ST3GAL1: variants seen among roughly 807,000 people sequenced by gnomAD.
ST3GAL1 encodes CMP-N-acetylneuraminate-beta-galactosamide-alpha-2,3-sialyltransferase 1.
Under a neutral mutation model 34.1 loss-of-function variants are expected in ST3GAL1, and 16 were observed. The observed-to-expected ratio is 0.47, with a 90% CI of 0.32 to 0.71. The LOEUF is 0.71. Ranked by LOEUF, ST3GAL1 falls within the 30% of genes least tolerant of loss-of-function variation. The probability of loss-of-function intolerance (pLI) is 0.04; values close to 1 mark genes in which losing one functional copy is unlikely to be tolerated. For missense variants in ST3GAL1, 353 were observed against 447.4 expected (o/e 0.79, Z 1.90); for synonymous variants, 191 against 184.7 (o/e 1.03, Z -0.28).
intron 1 of ST3GAL1, among the ~76,000 whole-genome samples, chr8:133,559,455 G>A (rs1227428277): frequency 6.6e-6 from 1 of 152,146 alleles, no homozygotes; most frequent in Admixed American, 6.5e-5. Context: ...GGTACTGTCT[G>A]CCTAATCTCT....
At chr8:133,527,162 C>T (rs1192985099) in intron 2 of ST3GAL1, among the ~76,000 whole-genome samples, 1 of 152,120 alleles carries the variant, frequency 6.6e-6, no homozygotes. Flanking sequence ...TTGTTCTACT[C>T]TGAGGGGAGG....
Position 133,454,873 on chromosome 8 carries a change from TC to T in ST3GAL1, c.*4890del, listed in dbSNP as rs1269403859. 1 of 152,226 alleles carries T rather than the reference TC, an allele frequency of 6.6e-6. No homozygotes were observed. The highest frequency in any genetic ancestry group is 1.5e-5 in the Non-Finnish European group (1 of 68,046). The allele number at this position is 152,226 out of a possible 1,614,324, so 9.4% of individuals were successfully genotyped here. On this transcript the variant is annotated 3_prime_UTR_variant, in exon 10 of 10. Transcript: ENST00000522652. ...AACAATAAAATAGCTCTTTGTTTAT[TC>T]ACTTTGATTTGGATCATTGGAAATA...
chr8:133,557,904 C>CAAA (rs543479046), intron 1 of ST3GAL1, among the ~76,000 whole-genome samples: 23 of 65,350 alleles, frequency 3.5e-4, no homozygotes, highest in African/African-American at 7.4e-4. Context: ...GACTCCGTCT[C>CAAA]AAAAAAAAAA....
intron 2 of ST3GAL1, among the ~76,000 whole-genome samples, chr8:133,539,017 T>A (rs942790559): frequency 1.3e-5 from 2 of 152,224 alleles, no homozygotes; most frequent in South Asian, 4.2e-4. Flanking sequence ...GTGAAATCTA[T>A]GTGTGTGGGG....
intron 1 of ST3GAL1, among the ~76,000 whole-genome samples, chr8:133,554,022 C>G (rs573825542): frequency 1.4e-4 from 21 of 152,260 alleles, no homozygotes; most frequent in African/African-American, 5.1e-4. Flanking sequence ...CACTGAGCCC[C>G]TGGAACTGGG....
In ST3GAL1 at chr8:133,454,910, A is replaced by T. The variant is rs892955054; in HGVS notation, c.*4854T>A. 2 of 152,256 alleles carry T rather than the reference A, an allele frequency of 1.3e-5. No homozygotes were observed. Among genetic ancestry groups the T allele is most frequent in the African/African-American group, 4.8e-5 (2 of 41,462 alleles). 9.4% of individuals were successfully genotyped at this position (152,256 alleles called of 1,614,324 possible). A position where few individuals can be genotyped will look rare whatever the true frequency, so the allele number is the denominator to read the frequency against. On this transcript the variant is annotated 3_prime_UTR_variant, in exon 10 of 10. Transcript: ENST00000522652. ...GGATCATTGGAAATATTAAACAATA[A>T]ATAAAACAGAGCGGGGGCTGAGGAA...
At position 133,493,213 on chromosome 8, in the gene ST3GAL1, T is replaced by A. The variant is rs1176912717; in HGVS notation, c.-374+5922A>T. Among the ~76,000 whole-genome samples the A allele has an allele frequency of 2.6e-5, 4 of 152,216 alleles. No homozygotes were observed. The South Asian group carries it at 6.2e-4, about 24-fold the overall frequency. ...TAGGGAACACAGCATTTTAAAAACA[T>A]CTTGTTCTGCTCAACTTTAAAACAC... On this transcript the variant is annotated intron_variant, in intron 3 of 9. Coordinates refer to ENST00000522652, the MANE Select transcript of ST3GAL1 (RefSeq NM_173344.3).
At chr8:133,560,011 T>A (rs1347815975) in intron 1 of ST3GAL1, among the ~76,000 whole-genome samples, 1 of 152,144 alleles carries the variant, frequency 6.6e-6, no homozygotes, top group Non-Finnish European at 1.5e-5. Flanking sequence ...GGAAACAAAA[T>A]TACAGATAGG....
chr8:133,544,206 C>T (rs1818613597), intron 2 of ST3GAL1: 1 of 151,604 alleles, frequency 6.6e-6, no homozygotes, highest in Non-Finnish European at 1.5e-5. Flanking sequence ...TTCTTGGGTC[C>T]CTTCCATACA....
At position 133,465,908 on chromosome 8, in the gene ST3GAL1, G is replaced by A. The variant is rs547295679; in HGVS notation, c.489C>T (p.His163=). Residue 163 remains histidine, a synonymous_variant, in exon 6 of 10, where the codon CAC becomes CAT. Coordinates refer to ENST00000522652, the MANE Select transcript of ST3GAL1 (RefSeq NM_173344.3). The part of the protein sequence containing the change: ...ESSYGPEIDS[H]DFVLRMNKAP... ...CTGGCACTCACCTGAGGACAAAGTC[G>A]TGACTGTCTATCTCAGGCCCATAAG... 5.6e-5 allele frequency: 91 copies of A among 1,613,952 alleles called. 1 individual carries two copies. The highest frequency in any genetic ancestry group is 2.4e-4 in the African/African-American group (18 of 75,034).
At chr8:133,510,619 A>C (rs969641728) in intron 2 of ST3GAL1, among the ~76,000 whole-genome samples, 23 of 152,242 alleles carry the variant, frequency 1.5e-4, no homozygotes, top group Non-Finnish European at 3.2e-4. Context: ...TAATTAACTA[A>C]TTAGTGCCAC....
intron 2 of ST3GAL1, among the ~76,000 whole-genome samples, chr8:133,531,000 G>A (rs373369182): frequency 1.3e-5 from 2 of 152,222 alleles, no homozygotes; most frequent in South Asian, 2.1e-4. Flanking sequence ...CAGACTCCTG[G>A]AGCCCTAACA....
At chr8:133,540,744 GACATATATATATATAT>G (rs879347683) in intron 2 of ST3GAL1, among the ~76,000 whole-genome samples, 17,759 of 105,466 alleles carry the variant, frequency 0.17, 2,110 homozygotes, top group East Asian at 0.29. Flanking sequence ...TATATATATA[GACATATATATATATAT>G]AGACATATAT....
intron 9 of ST3GAL1, 140 bp from the exon 10 acceptor site, chr8:133,460,077 A>G: frequency 1.2e-6 from 1 of 869,256 alleles, no homozygotes; most frequent in South Asian, 2.3e-5. Context: ...CCTTCATTAA[A>G]AACCCTTCTC....
rs1467034805 is a variant in ST3GAL1 at position 133,556,614 on chromosome 8, G to A, written c.-581-10688C>T. On this transcript the variant is annotated intron_variant, in intron 1 of 9. Coordinates refer to ENST00000522652, the MANE Select transcript of ST3GAL1 (RefSeq NM_173344.3). The surrounding 1 kb of genome is among the most constrained non-coding windows in gnomAD (Gnocchi z 8.9). ...TACTTTCGAACAAGATTTTTAGGATGAAGAAACGAAAGAAGAAAGGGAGGG... is the reference window on the plus strand; with the variant it reads ...TACTTTCGAACAAGATTTTTAGGATAAAGAAACGAAAGAAGAAAGGGAGGG... Among the ~76,000 whole-genome samples the A allele has an allele frequency of 6.6e-6, 1 of 152,148 alleles. No homozygotes were observed. Among genetic ancestry groups the A allele is most frequent in the East Asian group, 1.9e-4 (1 of 5,194 alleles).
At chr8:133,504,751 G>A (rs950612134) in intron 2 of ST3GAL1, among the ~76,000 whole-genome samples, 2 of 152,146 alleles carry the variant, frequency 1.3e-5, no homozygotes, top group Admixed American at 6.5e-5. Flanking sequence ...GGAAGGCTTC[G>A]GAGAGGAGGT....
intron 2 of ST3GAL1, among the ~76,000 whole-genome samples, chr8:133,506,950 A>C (rs1448668690): frequency 9.9e-6 from 1 of 100,532 alleles, no homozygotes; most frequent in African/African-American, 4.4e-5. Context: ...TAAATAAATA[A>C]ATAAATAATA....
At chr8:133,565,599 AATG>A (rs1454048185) in intron 1 of ST3GAL1, among the ~76,000 whole-genome samples, 1 of 152,164 alleles carries the variant, frequency 6.6e-6, no homozygotes, top group African/African-American at 2.4e-5. Flanking sequence ...TGAACCCCAG[AATG>A]ATAAGATGTT....
chr8:133,502,578 G>C (rs1445192269), intron 2 of ST3GAL1, among the ~76,000 whole-genome samples: 1 of 152,212 alleles, frequency 6.6e-6, no homozygotes, highest in Non-Finnish European at 1.5e-5. Context: ...TGGGCTTCCA[G>C]CTTCCAGATC....
Sources: gnomAD v4.1 joint callset for allele counts (sites outside exome capture counted in the v4.1 genomes callset) on GRCh38, gnomAD v4.1.1 for gene constraint, Gnocchi (gnomAD v3.1) non-coding constraint, MANE v1.5 for transcripts, NCBI Gene and HGNC (gene_info 2026-07-23, HGNC 2026-07-21) for gene names.